The following CHN2 variants were observed in gnomAD, a reference collection of about 807,000 sequenced individuals.
CHN2 encodes chimerin 2.
A neutral mutation model predicts 56.3 loss-of-function variants in CHN2; 35 were observed. The ratio of observed to expected loss-of-function variants is 0.62; its 90% CI spans 0.47 to 0.82. The LOEUF (loss-of-function observed/expected upper bound fraction) is 0.82. Among genes scored for constraint, CHN2 ranks in the 40% least tolerant of loss-of-function variants. CHN2 has a pLI of 0.00. For missense variants in CHN2, 491 were observed against 580.5 expected, an observed-to-expected ratio of 0.85 and a Z score of 1.58; for synonymous variants, 210 against 212.8, an observed-to-expected ratio of 0.99 and a Z score of 0.12.
At chr7:29,211,123 T>G (rs1027520092) in intron 1 of CHN2, among the ~76,000 whole-genome samples, 8 of 151,624 alleles carry the variant, frequency 5.3e-5, no homozygotes, top group Admixed American at 3.3e-4. Flanking sequence ...CAGGCTGGAG[T>G]GCAGTGGCGC....
At chr7:29,409,701 G>A (rs1324260805) in intron 6 of CHN2, among the ~76,000 whole-genome samples, 1 of 152,166 alleles carries the variant, frequency 6.6e-6, no homozygotes, top group Non-Finnish European at 1.5e-5. Flanking sequence ...TTTCTTAAAG[G>A]TTAGTTGCAA....
intron 6 of CHN2, among the ~76,000 whole-genome samples, chr7:29,449,260 T>C (rs2128129538): frequency 6.6e-6 from 1 of 152,176 alleles, no homozygotes. Flanking sequence ...AAGGTGAGTG[T>C]CTGAAAAAAA....
chr7:29,209,058 T>A (rs1784734199), intron 1 of CHN2: 1 of 133,194 alleles, frequency 7.5e-6, no homozygotes, highest in Admixed American at 7.6e-5. Context: ...CTTGCCTCAT[T>A]GGCTACAGCT....
chr7:29,263,887 G>A (rs1363235823), intron 1 of CHN2, among the ~76,000 whole-genome samples: 1 of 151,606 alleles, frequency 6.6e-6, no homozygotes, highest in Non-Finnish European at 1.5e-5. Context: ...CATCTGGGAA[G>A]TGAGGAGCGT....
intron 3 of CHN2, among the ~76,000 whole-genome samples, chr7:29,377,353 G>A (rs1165569961): frequency 6.6e-6 from 1 of 152,162 alleles, no homozygotes; most frequent in Non-Finnish European, 1.5e-5. Context: ...GATGATTCAT[G>A]TTCATTCATA....
intron 3 of CHN2, among the ~76,000 whole-genome samples, chr7:29,389,277 G>A (rs1801174852): frequency 1.3e-5 from 2 of 152,120 alleles, no homozygotes; most frequent in African/African-American, 4.8e-5. Flanking sequence ...TTCCTAGTTT[G>A]GTCACTCACC....
intron 6 of CHN2, among the ~76,000 whole-genome samples, chr7:29,452,372 G>C (rs984955897): frequency 1.3e-5 from 2 of 152,168 alleles, no homozygotes; most frequent in African/African-American, 2.4e-5. Context: ...CTTACTCTTG[G>C]GGGTGTGTGA....
chr7:29,455,689 G>A (rs1212163868), intron 6 of CHN2, among the ~76,000 whole-genome samples: 3 of 152,238 alleles, frequency 2.0e-5, no homozygotes, highest in Non-Finnish European at 4.4e-5. Flanking sequence ...CAGAGGTTGG[G>A]GAGGGGTGTC....
chr7:29,323,881 G>A (rs989663813), intron 1 of CHN2, among the ~76,000 whole-genome samples: 2 of 152,124 alleles, frequency 1.3e-5, no homozygotes, highest in African/African-American at 4.8e-5. Context: ...GCAGGCACCT[G>A]TGGTCCCAGC....
chr7:29,338,162 T>C (rs1796764797), intron 1 of CHN2, among the ~76,000 whole-genome samples: 1 of 152,196 alleles, frequency 6.6e-6, no homozygotes, highest in Admixed American at 6.5e-5. Flanking sequence ...TGATAAAATA[T>C]GGTAGGTCAG....
intron 2 of CHN2, among the ~76,000 whole-genome samples, chr7:29,158,967 A>T (rs1413155516): frequency 6.6e-6 from 1 of 152,246 alleles, no homozygotes; most frequent in African/African-American, 2.4e-5. Flanking sequence ...ACCCTGCGGC[A>T]ATCGAAATAT....
intron 1 of CHN2, among the ~76,000 whole-genome samples, chr7:29,312,266 G>A (rs1794654934): frequency 6.6e-6 from 1 of 151,956 alleles, no homozygotes; most frequent in Admixed American, 6.6e-5. Context: ...CTGTTCTCTT[G>A]AGAAACCATC....
At chr7:29,453,013 T>C (rs1163094344) in intron 6 of CHN2, among the ~76,000 whole-genome samples, 1 of 152,258 alleles carries the variant, frequency 6.6e-6, no homozygotes, top group Non-Finnish European at 1.5e-5. Flanking sequence ...TTTCTTAATG[T>C]GCTTTGCAGA....
intron 6 of CHN2, among the ~76,000 whole-genome samples, chr7:29,413,451 A>T (rs1255371670): frequency 6.6e-6 from 1 of 152,220 alleles, no homozygotes; most frequent in Non-Finnish European, 1.5e-5. Context: ...ATAATTCATG[A>T]TATAAGGGAC....
intron 6 of CHN2, among the ~76,000 whole-genome samples, chr7:29,458,186 A>C (rs1192280736): frequency 6.6e-6 from 1 of 152,200 alleles, no homozygotes; most frequent in Non-Finnish European, 1.5e-5. Flanking sequence ...AGCTGTTTTC[A>C]TAGGTGTGGT....
rs143318592 is a variant in CHN2 at position 29,182,254 on chromosome 7, G to A, written c.274+35294G>A. Among the ~76,000 whole-genome samples the A allele has an allele frequency of 1.6e-3, 250 of 152,280 alleles. 1 individual carries two copies. The highest frequency in any genetic ancestry group is 4.4e-3 in the African/African-American group (183 of 41,572). ...ATGATAGAGTTTGAAAAATAGGAGCGCAGAGGAAGGTTAGCAGTGGTGGAA... is the reference window on the plus strand; with the variant it reads ...ATGATAGAGTTTGAAAAATAGGAGCACAGAGGAAGGTTAGCAGTGGTGGAA... On this transcript the variant is annotated intron_variant, in intron 2 of 6. Coordinates refer to the CHN2 transcript ENST00000439384.
chr7:29,493,702 T>C (rs1375902096), intron 7 of CHN2, among the ~76,000 whole-genome samples: 1 of 152,190 alleles, frequency 6.6e-6, no homozygotes, highest in Non-Finnish European at 1.5e-5. Flanking sequence ...TCAGGTCCTA[T>C]AAATTCTGTC....
intron 10 of CHN2, among the ~76,000 whole-genome samples, chr7:29,505,427 CTCTACTTTG>C (rs2128587732): frequency 6.6e-6 from 1 of 152,318 alleles, no homozygotes; most frequent in South Asian, 2.1e-4. Flanking sequence ...TGGATAGAGC[CTCTACTTTG>C]TAGTGTGGTA....
chr7:29,224,151 T>C (rs1302565825), intron 1 of CHN2, among the ~76,000 whole-genome samples: 1 of 152,176 alleles, frequency 6.6e-6, no homozygotes, highest in African/African-American at 2.4e-5. Flanking sequence ...TAAGGGCTAC[T>C]TCTGAAACAC....
Sources: allele counts gnomAD v4.1 joint callset (sites outside exome capture counted in the v4.1 genomes callset), GRCh38; gene constraint gnomAD v4.1.1; transcripts MANE v1.5; gene names NCBI Gene and HGNC (gene_info 2026-07-23, HGNC 2026-07-21).